LINGO2: variants seen among roughly 807,000 people sequenced by gnomAD.
The protein encoded by LINGO2 is leucine-rich repeat and immunoglobulin-like domain-containing nogo receptor-interacting protein 2.
Under a neutral mutation model 30.6 loss-of-function variants are expected in LINGO2, and 14 were observed. That is an observed-to-expected ratio of 0.46 (90% CI 0.30 to 0.72). The LOEUF is 0.72. Ranked by LOEUF, LINGO2 falls within the 30% of genes least tolerant of loss-of-function variation. The probability of loss-of-function intolerance (pLI) is 0.07; values close to 1 mark genes in which losing one functional copy is unlikely to be tolerated. For synonymous variants in LINGO2, 317 were observed against 288.5 expected, an observed-to-expected ratio of 1.10 and a Z score of -1.00; for missense variants, 729 against 751.7, an observed-to-expected ratio of 0.97 and a Z score of 0.35.
intron 4 of LINGO2, among the ~76,000 whole-genome samples, chr9:28,159,199 T>C (rs1398743269): frequency 6.6e-6 from 1 of 152,216 alleles, no homozygotes; most frequent in African/African-American, 2.4e-5. Flanking sequence ...AATTTTAGTT[T>C]GTTTTTATGA....
the LINGO2 span, among the ~76,000 whole-genome samples, chr9:28,769,504 ATATATATATATATATTTTTTTT>A: frequency 3.0e-4 from 1 of 3,356 alleles, no homozygotes; most frequent in African/African-American, 8.1e-4. Context: ...ATATATATAT[ATATATATATATATATTTTTTTT>A]TTTTTTTTTT....
At chr9:28,452,147 T>C (rs112924767) in intron 2 of LINGO2, among the ~76,000 whole-genome samples, 1,530 of 151,898 alleles carry the variant, frequency 0.01, 28 homozygotes, top group African/African-American at 0.035. Flanking sequence ...AGTCTTTTCA[T>C]TGAGATATGA....
At chr9:28,608,125 C>T (rs1338475189) in intron 1 of LINGO2, among the ~76,000 whole-genome samples, 3 of 148,538 alleles carry the variant, frequency 2.0e-5, no homozygotes, top group Admixed American at 6.8e-5. Context: ...ACAGATTACA[C>T]TTTTTAATTA....
chr9:29,118,189 C>A, the LINGO2 span, among the ~76,000 whole-genome samples: 27 of 152,224 alleles, frequency 1.8e-4, 1 homozygote, highest in South Asian at 4.1e-3. Flanking sequence ...GGTTGACTTA[C>A]CCTGTGGGCT....
chr9:28,674,943 T>C (rs1287073260), upstream of LINGO2, among the ~76,000 whole-genome samples: 2 of 152,116 alleles, frequency 1.3e-5, no homozygotes, highest in South Asian at 2.1e-4. Context: ...CTACACTACA[T>C]TGGGGAAAGA....
chr9:28,914,851 C>A, the LINGO2 span, among the ~76,000 whole-genome samples: 2 of 152,076 alleles, frequency 1.3e-5, no homozygotes, highest in Non-Finnish European at 2.9e-5. Context: ...TAGTCACAAA[C>A]GCTGGGTGCG....
intron 5 of LINGO2, among the ~76,000 whole-genome samples, chr9:28,002,995 C>G (rs753773600): frequency 6.6e-6 from 1 of 152,074 alleles, no homozygotes; most frequent in Non-Finnish European, 1.5e-5. Flanking sequence ...GGAATGGGCT[C>G]TGGCCACCTG....
the LINGO2 span, among the ~76,000 whole-genome samples, chr9:29,190,046 A>G: frequency 4.1e-4 from 9 of 22,220 alleles, no homozygotes; most frequent in Non-Finnish European, 5.2e-4. Flanking sequence ...GGAGAGGGAG[A>G]GGGAGGGGGA....
the LINGO2 span, among the ~76,000 whole-genome samples, chr9:28,809,901 C>A: frequency 6.6e-6 from 1 of 152,072 alleles, no homozygotes; most frequent in South Asian, 2.1e-4. Context: ...ATCTTCACTC[C>A]AGAGTTTCCA....
intron 4 of LINGO2, among the ~76,000 whole-genome samples, chr9:28,219,799 T>C (rs1820893488): frequency 6.6e-6 from 1 of 152,160 alleles, no homozygotes; most frequent in Admixed American, 6.5e-5. Flanking sequence ...AGACAAATTA[T>C]ATTGTGAAAT....
At chr9:27,962,327 A>T (rs889491271) in intron 5 of LINGO2, among the ~76,000 whole-genome samples, 2 of 152,152 alleles carry the variant, frequency 1.3e-5, no homozygotes, top group African/African-American at 4.8e-5. Context: ...AGTGGTTAAG[A>T]GAAAGTTCAT....
At chr9:29,128,714 G>A in the LINGO2 span, among the ~76,000 whole-genome samples, 1 of 152,096 alleles carries the variant, frequency 6.6e-6, no homozygotes, top group African/African-American at 2.4e-5. Flanking sequence ...TTGTAACCAT[G>A]TAAAACCAGT....
chr9:28,395,587 A>C (rs10812802), intron 2 of LINGO2, among the ~76,000 whole-genome samples: 1 of 152,040 alleles, frequency 6.6e-6, no homozygotes. Context: ...TCTCCAGGGC[A>C]TATACCCATA....
chr9:29,195,912 T>C, the LINGO2 span, among the ~76,000 whole-genome samples: 2 of 152,100 alleles, frequency 1.3e-5, no homozygotes, highest in Non-Finnish European at 2.9e-5. Flanking sequence ...AAGACATCAG[T>C]GAATGTAAGT....
chr9:28,194,218 T>C lies in LINGO2; in HGVS notation c.-87+100990A>G, dbSNP rs183295408. On this transcript the variant is annotated intron_variant, in intron 4 of 5. Coordinates refer to ENST00000379992, the Ensembl canonical transcript of LINGO2. ...ATATCTTCCATGGTATCAGAAGAAA[T>C]ACATAACAAAACAATAGAAACTGAA... Among the ~76,000 whole-genome samples, 10 of 152,090 alleles carry C rather than the reference T, an allele frequency of 6.6e-5. No individual in the cohort carries two copies. The East Asian group carries it at 1.7e-3, about 26-fold the overall frequency.
intron 5 of LINGO2, among the ~76,000 whole-genome samples, chr9:27,997,213 G>A (rs1821709790): frequency 6.6e-6 from 1 of 152,170 alleles, no homozygotes; most frequent in Admixed American, 6.5e-5. Context: ...GCCACTCAAG[G>A]TCTGGGCTAA....
intron 4 of LINGO2, among the ~76,000 whole-genome samples, chr9:28,117,756 G>A (rs57179464): frequency 0.022 from 3,235 of 149,362 alleles, 125 homozygotes; most frequent in African/African-American, 0.077. Flanking sequence ...GCAATGCCTT[G>A]CCCTGCTTCG....
At chr9:29,104,317 CAGA>C in the LINGO2 span, among the ~76,000 whole-genome samples, 1 of 151,984 alleles carries the variant, frequency 6.6e-6, no homozygotes, top group Non-Finnish European at 1.5e-5. Flanking sequence ...AGTGAGTTCT[CAGA>C]AGATCTCCTT....
chr9:29,078,957 CATT>C, the LINGO2 span, among the ~76,000 whole-genome samples: 1 of 151,798 alleles, frequency 6.6e-6, no homozygotes, highest in Admixed American at 6.6e-5. Flanking sequence ...TTCATTAAAT[CATT>C]ATATCACACC....
Sources: gnomAD v4.1 joint callset for allele counts (sites outside exome capture counted in the v4.1 genomes callset) on GRCh38, gnomAD v4.1.1 for gene constraint, MANE v1.5 for transcripts, NCBI Gene and HGNC (gene_info 2026-07-23, HGNC 2026-07-21) for gene names.